The following CARMIL3 variants were observed in gnomAD, a reference collection of about 807,000 sequenced individuals.
The protein encoded by CARMIL3 is capping protein, Arp2/3 and myosin-I linker protein 3.
Under a neutral mutation model 180.8 loss-of-function variants are expected in CARMIL3, and 88 were observed. The observed-to-expected ratio is 0.49, with a 90% CI of 0.41 to 0.58. The LOEUF (loss-of-function observed/expected upper bound fraction) is 0.58, where lower values mean the gene tolerates loss of function less well. Among genes scored for constraint, CARMIL3 ranks in the 20% least tolerant of loss-of-function variants. CARMIL3 has a pLI of 0.00. For missense variants in CARMIL3, 1,548 were observed against 1,787.0 expected (o/e 0.87, Z 2.41); for synonymous variants, 696 against 714.5 (o/e 0.97, Z 0.41).
rs1222243922 is a variant in CARMIL3, at chr14:24,054,378, AC to A, written c.247-17del. On this transcript the variant is annotated splice_polypyrimidine_tract_variant and intron_variant, in intron 4 of 39. Transcript: ENST00000342740. The surrounding 1 kb of genome is among the most constrained non-coding windows in gnomAD (Gnocchi z 5.1). ...AGAGAGGAGGGAGTCTGAGGCTCTGACGCTTCGTCTCCCCCAGATCCTGGTG... is the reference window on the plus strand; with the variant it reads ...AGAGAGGAGGGAGTCTGAGGCTCTGAGCTTCGTCTCCCCCAGATCCTGGTG... The A allele has an allele frequency of 1.9e-5, 31 of 1,613,856 alleles. No homozygotes were observed. Among genetic ancestry groups the A allele is most frequent in the Non-Finnish European group, 2.6e-5 (31 of 1,179,872 alleles).
At chr14:24,052,261 C>A (rs978271258) in intron 1 of CARMIL3, 68 bp downstream of exon 1, 12 of 1,479,308 alleles carry the variant, frequency 8.1e-6, no homozygotes, top group Admixed American at 2.0e-5. Context: ...CGTTCCTCCC[C>A]GTGGTGCATC....
chr14:24,057,117 C>A, intron 13 of CARMIL3, 50 bp from the exon 14 acceptor site: 1 of 1,599,086 alleles, frequency 6.3e-7, no homozygotes, highest in Non-Finnish European at 8.5e-7. Flanking sequence ...CTGGGGGTGG[C>A]GAGACTCCAT....
rs1303995493 is a variant in CARMIL3 at position 24,068,713 on chromosome 14, G to A, written c.3801+11G>A. 3 of 1,613,352 alleles carry A rather than the reference G, an allele frequency of 1.9e-6. No individual in the cohort carries two copies. Among genetic ancestry groups the A allele is most frequent in the Non-Finnish European group, 2.5e-6 (3 of 1,179,694 alleles). ...GCTAGGAATGCCAAGGTGAGAGCTG[G>A]CAAGATGGGTGGGGGAGGCACTTTG... On this transcript the variant is annotated intron_variant, in intron 37 of 39. Transcript: ENST00000342740.
rs1438113180 is a variant in CARMIL3 at position 24,059,290 on chromosome 14, G to C, written c.1647G>C (p.Val549=). ...CACAGTCCCTGCAGTCACTGTCGGT[G>C]GCAGACTCCCGGCTGAAGCTTCGCA... is the stretch of plus-strand genomic sequence containing the variant. ...EEDCSLQSLS[V]ADSRLKLRTS... is the part of the protein sequence containing the mutation. The change falls in exon 21 of 40, where the codon GTG becomes GTC. Residue 549 remains valine (V), a synonymous_variant. Transcript: ENST00000342740. This position sits in a 1 kb window ranked among gnomAD's most constrained non-coding sequence, Gnocchi z 6.3. 1 of 1,613,856 alleles carries C rather than the reference G, an allele frequency of 6.2e-7. No individual in the cohort carries two copies. Among genetic ancestry groups the C allele is most frequent in the Non-Finnish European group, 8.5e-7 (1 of 1,180,030 alleles).
In CARMIL3 at chr14:24,069,235, C is replaced by A; in HGVS notation, c.4081C>A (p.Pro1361Thr). 1 of 1,614,076 alleles carries A rather than the reference C, an allele frequency of 6.2e-7. No individual in the cohort carries two copies. Among genetic ancestry groups the A allele is most frequent in the Non-Finnish European group, 8.5e-7 (1 of 1,179,994 alleles). Reference sequence around the variant, plus strand: ...GCTGGAACCTGATAGAAGACGGCCTCCTGACCCCACAGGTGCTGGTGGTGA... The same window carrying A: ...GCTGGAACCTGATAGAAGACGGCCTACTGACCCCACAGGTGCTGGTGGTGA... The part of the protein sequence containing the change: ...DKLEPDRRRP[P>T]DPTGTSEPGT... The change falls in exon 39 of 40, where the codon CCT becomes ACT. Residue 1361 changes from proline to threonine, a missense_variant. By Grantham distance (38) the Pro-to-Thr change is conservative. Around this residue, in one of 4 missense-constraint regions of CARMIL3, gnomAD observed 668 missense variants for 687.8 expected, o/e 0.97. Coordinates refer to ENST00000342740, the MANE Select transcript of CARMIL3 (RefSeq NM_138360.4).
At chr14:24,066,748 T>C in intron 36 of CARMIL3, 92 bp downstream of exon 36, 1 of 1,309,422 alleles carries the variant, frequency 7.6e-7, no homozygotes, top group Non-Finnish European at 1.1e-6. Flanking sequence ...GGGGAATTTA[T>C]GGCCAAGGTG....
chr14:24,065,556 C>G, intron 33 of CARMIL3, 66 bp from the exon 34 acceptor site: 1 of 1,539,192 alleles, frequency 6.5e-7, no homozygotes, highest in Non-Finnish European at 8.7e-7. Context: ...CTCCTGACAA[C>G]TCCCTCACAG....
In CARMIL3 at chr14:24,057,861, G is replaced by A. The variant is rs1267555738; in HGVS notation, c.1199G>A (p.Arg400His). The A allele has an allele frequency of 3.1e-6, 5 of 1,612,216 alleles. No individual in the cohort carries two copies. Among genetic ancestry groups the A allele is most frequent in the East Asian group, 2.2e-5 (1 of 44,830 alleles). The change falls in exon 15 of 40, where the codon CGC becomes CAC. Residue 400 changes from arginine (R) to histidine (H), a missense_variant. Physicochemically the swap from Arg to His is conservative, Grantham distance 29 (BLOSUM62 0). Coordinates refer to ENST00000342740, the MANE Select transcript of CARMIL3 (RefSeq NM_138360.4). ...CSHLTYLNLA[R>H]NSCSHRKGRE... ...CACCTCACCTACCTCAACCTGGCTC[G>A]CAACAGCTGCTCCCACAGGTGGGAG... is the stretch of plus-strand genomic sequence containing the variant.
rs58324092 is a variant in CARMIL3, at chr14:24,066,298, AC to A, written c.3526-99del. ...AGTTTTAAGTGTCTAGGGACTAATG[AC>A]ATGAGAATGACATGGAGATGCTAGA... On this transcript the variant is annotated intron_variant, in intron 34 of 39. Transcript: ENST00000342740. 4.8e-3 allele frequency: 6,571 copies of A among 1,373,230 alleles called. 260 individuals carry two copies. In the African/African-American group the frequency reaches 0.085, roughly 18 times the overall value. 85.1% of individuals were successfully genotyped at this position (1,373,230 alleles called of 1,614,324 possible).
chr14:24,057,934 C>A, intron 15 of CARMIL3, 26 bp from the exon 16 acceptor site: 3 of 1,613,184 alleles, frequency 1.9e-6, no homozygotes, highest in African/African-American at 2.7e-5. Context: ...CCCCCTCCCT[C>A]GCTGACCCCA....
chr14:24,060,372 C>A (rs1017581717), intron 24 of CARMIL3, 117 bp downstream of exon 24: 49 of 1,244,052 alleles, frequency 3.9e-5, no homozygotes, highest in Non-Finnish European at 5.5e-5. Context: ...TATCACTGGA[C>A]TGAGCATGTG....
chr14:24,057,816 T>C lies in CARMIL3; in HGVS notation c.1154T>C (p.Leu385Pro). The change falls in exon 15 of 40, where the codon CTG becomes CCG. Residue 385 changes from leucine to proline, a missense_variant. By Grantham distance (98) the Leu-to-Pro change is moderately conservative (BLOSUM62 -3). Coordinates refer to ENST00000342740, the MANE Select transcript of CARMIL3 (RefSeq NM_138360.4). Reference sequence around the variant, plus strand: ...CTCCCCCCACAGCTTCTCGGTGCCCTGCTCCACGGCTGCTGCTCCCACCTC... The same window carrying C: ...CTCCCCCCACAGCTTCTCGGTGCCCCGCTCCACGGCTGCTGCTCCCACCTC... ...DCVIDLLLGA[L>P]LHGCCSHLTY... The C allele has an allele frequency of 1.2e-6, 2 of 1,609,488 alleles. 1 individual carries two copies. Among genetic ancestry groups the C allele is most frequent in the South Asian group, 2.2e-5 (2 of 90,686 alleles).
chr14:24,065,580 C>G (rs1338556846), intron 33 of CARMIL3, 42 bp from the exon 34 acceptor site: 3 of 1,567,970 alleles, frequency 1.9e-6, no homozygotes, highest in Non-Finnish European at 2.6e-6. Context: ...GGGGAGCCCC[C>G]TTCGACTGGG....
At chr14:24,060,785 T>C (rs1340098776) in intron 25 of CARMIL3, 29 bp downstream of exon 25, 4 of 1,607,452 alleles carry the variant, frequency 2.5e-6, no homozygotes, top group East Asian at 2.2e-5. Context: ...ACCCTTCCCC[T>C]GAAGTCTGGA....
Position 24,062,731 on chromosome 14 carries a change from G to A in CARMIL3, c.2591G>A (p.Arg864Lys). 6.2e-7 allele frequency: 1 copy of A among 1,611,904 alleles called. No homozygotes were observed. Among genetic ancestry groups the A allele is most frequent in the Non-Finnish European group, 8.5e-7 (1 of 1,178,864 alleles). Residue 864 changes from arginine (R) to lysine (K), a missense_variant, in exon 29 of 40, where the codon AGG becomes AAG. By Grantham distance (26) the Arg-to-Lys change is conservative (BLOSUM62 2). Coordinates refer to ENST00000342740, the MANE Select transcript of CARMIL3 (RefSeq NM_138360.4). ...KSLARHLTQL[R>K]TLSDPPGCPG... The stretch of plus-strand genomic sequence containing the variant: ...CAGGCCCGGCACCTGACCCAGCTAA[G>A]GACGCTGTCAGATCCACCAGGGTGC...
Position 24,061,607 on chromosome 14 carries a change from GC to G in CARMIL3, c.2419del (p.Arg807GlyfsTer23). 6.2e-7 allele frequency: 1 copy of G among 1,613,964 alleles called. No individual in the cohort carries two copies. The highest frequency in any genetic ancestry group is 8.5e-7 in the Non-Finnish European group (1 of 1,179,988). The stretch of plus-strand genomic sequence containing the variant: ...GCAATGTGGCGGAGCGTGTCACTGT[GC>G]CCCGGAACTTCATCCGAGGGGCACT... ...LSNVAERVTV[P>X]RNFIRGALLE... On this transcript the variant is annotated frameshift_variant, in exon 27 of 40. Coordinates refer to ENST00000342740, the MANE Select transcript of CARMIL3 (RefSeq NM_138360.4). LOFTEE classifies it high-confidence loss of function. This position sits in a 1 kb window ranked among gnomAD's most constrained non-coding sequence, Gnocchi z 4.1.
At position 24,068,564 on chromosome 14, in the gene CARMIL3, C is replaced by T. The variant is rs201586812; in HGVS notation, c.3683-20C>T. The T allele has an allele frequency of 1.2e-5, 19 of 1,584,002 alleles. No individual in the cohort carries two copies. In the South Asian group the frequency reaches 1.9e-4, roughly 16 times the overall value. On this transcript the variant is annotated intron_variant, in intron 36 of 39. Transcript: ENST00000342740. ...GCAAGAATGCCTTTTCCTGCAGCTT[C>T]TCCTCTCTCTCATCCCCAGCTGAAG... is the stretch of plus-strand genomic sequence containing the variant.
intron 14 of CARMIL3, among the ~76,000 whole-genome samples, chr14:24,057,545 G>C (rs2035684169): frequency 6.6e-6 from 1 of 152,108 alleles, no homozygotes; most frequent in Admixed American, 6.5e-5. Flanking sequence ...AGGAGTCAGT[G>C]GTGGCCCTGG....
intron 33 of CARMIL3, 143 bp from the exon 34 acceptor site, chr14:24,065,479 T>C (rs1378721278): frequency 2.5e-5 from 32 of 1,276,520 alleles, no homozygotes; most frequent in Non-Finnish European, 3.3e-5. Context: ...ATGCAGGCGT[T>C]GGAAGGACTC....
Sources: allele counts gnomAD v4.1 joint callset (sites outside exome capture counted in the v4.1 genomes callset), GRCh38; gene constraint gnomAD v4.1.1; regional missense constraint gnomAD v4.1.1; non-coding constraint Gnocchi (gnomAD v3.1); transcripts MANE v1.5; gene names NCBI Gene and HGNC (gene_info 2026-07-23, HGNC 2026-07-21).